DLEC1: variants seen among roughly 807,000 people sequenced by gnomAD.
The protein encoded by DLEC1 is DLEC1 cilia and flagella associated protein.
Under a neutral mutation model 198.1 loss-of-function variants are expected in DLEC1, and 146 were observed. The observed-to-expected ratio is 0.74, with a 90% CI of 0.64 to 0.85. DLEC1 has a LOEUF of 0.85. Ranked by LOEUF, DLEC1 falls within the 40% of genes least tolerant of loss-of-function variation. The pLI is 0.00. For synonymous variants in DLEC1, 897 were observed against 866.8 expected (o/e 1.03, Z -0.61); for missense variants, 2,233 against 2,220.0 (o/e 1.01, Z -0.12).
At chr3:38,046,581 A>C (rs562778506) in intron 2 of DLEC1, among the ~76,000 whole-genome samples, 1 of 152,222 alleles carries the variant, frequency 6.6e-6, no homozygotes, top group South Asian at 2.1e-4. Context: ...TATAAATTAC[A>C]CAGTCTCGGG....
chr3:38,053,195 C>T (rs1464735559), intron 2 of DLEC1, among the ~76,000 whole-genome samples: 6 of 152,184 alleles, frequency 3.9e-5, no homozygotes, highest in South Asian at 2.1e-4. Context: ...AGATTGCAGC[C>T]TCTGCCCAGC....
Position 38,097,877 on chromosome 3 carries a change from T to A in DLEC1, c.2699T>A (p.Val900Asp). Reference sequence around the variant, plus strand: ...ACATGGCGCATGAAGGAGAGCCCAGTCTCCCTCCAGGAAAGGCCTGAGGAT... The same window carrying A: ...ACATGGCGCATGAAGGAGAGCCCAGACTCCCTCCAGGAAAGGCCTGAGGAT... ...PATWRMKESP[V>D]SLQERPEDVS... Residue 900 changes from valine to aspartate, a missense_variant, in exon 18 of 37, where the codon GTC becomes GAC. Transcript: ENST00000308059. 2.5e-6 allele frequency: 4 copies of A among 1,614,030 alleles called. No homozygotes were observed. The highest frequency in any genetic ancestry group is 3.4e-6 in the Non-Finnish European group (4 of 1,180,036).
In DLEC1 at chr3:38,123,249, G is replaced by C; in HGVS notation, c.*837G>C. 1.2e-6 allele frequency: 1 copy of C among 854,652 alleles called. No homozygotes were observed. Among genetic ancestry groups the C allele is most frequent in the Non-Finnish European group, 1.9e-6 (1 of 525,938 alleles). The allele number at this position is 854,652 out of a possible 1,614,324, so 52.9% of individuals were successfully genotyped here. Reference sequence around the variant, plus strand: ...CATCAGACCAGATCTGTGGGCAAGCGGTACCCTGGCCTCCCACTTGGGCAC... The same window carrying C: ...CATCAGACCAGATCTGTGGGCAAGCCGTACCCTGGCCTCCCACTTGGGCAC... On this transcript the variant is annotated 3_prime_UTR_variant, in exon 37 of 37. Coordinates refer to ENST00000308059, the MANE Select transcript of DLEC1 (RefSeq NM_007335.4).
Position 38,063,902 on chromosome 3 carries a change from A to G in DLEC1, c.1156A>G (p.Ile386Val). The change falls in exon 6 of 37, where the codon ATT (isoleucine) becomes GTT (valine). Residue 386 changes from isoleucine to valine, a missense_variant. Coordinates refer to ENST00000308059, the MANE Select transcript of DLEC1 (RefSeq NM_007335.4). ...PPIGFFTDYE[I>V]GPVYEMVIAL... is the part of the protein sequence containing the mutation. Reference sequence around the variant, plus strand: ...AATTGGGTTTTTCACAGATTATGAAATTGGTCCAGTTTATGAGGTAGACAT... The same window carrying G: ...AATTGGGTTTTTCACAGATTATGAAGTTGGTCCAGTTTATGAGGTAGACAT... 2 of 1,612,632 alleles carry G rather than the reference A, an allele frequency of 1.2e-6. No individual in the cohort carries two copies. The highest frequency in any genetic ancestry group is 3.3e-5 in the Admixed American group (2 of 59,940).
At chr3:38,045,450 T>A in intron 1 of DLEC1, 93 bp from the exon 2 acceptor site, 1 of 1,471,624 alleles carries the variant, frequency 6.8e-7, no homozygotes, top group Non-Finnish European at 9.1e-7. Context: ...TATGCTTCAC[T>A]GGAAGCCCTG....
At position 38,085,261 on chromosome 3, in the gene DLEC1, T is replaced by C. The variant is rs1698389252; in HGVS notation, c.1262-13T>C. 6.2e-7 allele frequency: 1 copy of C among 1,614,076 alleles called. No homozygotes were observed. On this transcript the variant is annotated splice_polypyrimidine_tract_variant and intron_variant, in intron 7 of 36. Transcript: ENST00000308059. The stretch of plus-strand genomic sequence containing the variant: ...CTCCCAGGATCCTCACTTGTCACTT[T>C]TGTCATGCACAGGGATGTTCCCAGG...
chr3:38,101,391 G>T (rs1177307628), intron 19 of DLEC1, among the ~76,000 whole-genome samples: 1 of 152,080 alleles, frequency 6.6e-6, no homozygotes, highest in African/African-American at 2.4e-5. Context: ...GGAGGCAGAG[G>T]TTGCAGTGAA....
At chr3:38,099,985 C>G (rs1699222209) in intron 18 of DLEC1, among the ~76,000 whole-genome samples, 1 of 152,180 alleles carries the variant, frequency 6.6e-6, no homozygotes, top group African/African-American at 2.4e-5. Context: ...CTCTGGCTCC[C>G]CAGCTCTCCC....
At chr3:38,086,549 G>C (rs186701491) in intron 9 of DLEC1, among the ~76,000 whole-genome samples, 172 bp downstream of exon 9, 173 of 152,334 alleles carry the variant, frequency 1.1e-3, no homozygotes, top group African/African-American at 4.1e-3. Flanking sequence ...TAAGGGTCCA[G>C]TGTTGTAGTT....
Position 38,093,530 on chromosome 3 carries a change from T to G in DLEC1, c.1757-75T>G, listed in dbSNP as rs549155595. On this transcript the variant is annotated intron_variant, in intron 11 of 36. Transcript: ENST00000308059. ...GGCCAGCTGCATGTGGATGGCGGCA[T>G]GGGTCCTGCAGCAGCCTTGGCCTGA... The G allele has an allele frequency of 1.9e-5, 29 of 1,559,768 alleles. No individual in the cohort carries two copies. The South Asian group carries it at 3.2e-4, about 17-fold the overall frequency.
chr3:38,108,445 C>T lies in DLEC1; in HGVS notation c.3059C>T (p.Ser1020Phe), dbSNP rs776937563. The T allele has an allele frequency of 4.3e-6, 7 of 1,614,170 alleles. No homozygotes were observed. Among genetic ancestry groups the T allele is most frequent in the Admixed American group, 1.7e-5 (1 of 60,016 alleles). The part of the protein sequence containing the change: ...HQAEFCMVTV[S>F]PKHGLLGPSE... The stretch of plus-strand genomic sequence containing the variant: ...GCAGAATTCTGCATGGTGACAGTCT[C>T]CCCCAAACATGGCCTGCTGGGCCCA... The change falls in exon 21 of 37, where the codon TCC becomes TTC. Residue 1020 changes from serine (S) to phenylalanine (F), a missense_variant. By Grantham distance (155) the Ser-to-Phe change is radical. Coordinates refer to ENST00000308059, the MANE Select transcript of DLEC1 (RefSeq NM_007335.4).
Position 38,062,742 on chromosome 3 carries a change from T to G in DLEC1, c.1035T>G (p.Val345=). The part of the protein sequence containing the change: ...PNTRYGGKSL[V]FPPKKPAPIG... ...CTCGATATGGAGGCAAGTCTCTTGT[T>G]TTTCCTCCAAAGAAGCCAGCACCGA... is the stretch of plus-strand genomic sequence containing the variant. The change falls in exon 5 of 37, where the codon GTT becomes GTG. Residue 345 remains valine (V), a synonymous_variant. Coordinates refer to ENST00000308059, the MANE Select transcript of DLEC1 (RefSeq NM_007335.4). The G allele has an allele frequency of 6.2e-7, 1 of 1,614,024 alleles. No homozygotes were observed. Among genetic ancestry groups the G allele is most frequent in the Non-Finnish European group, 8.5e-7 (1 of 1,179,986 alleles).
rs755104351 is a variant in DLEC1 at position 38,039,552 on chromosome 3, C to A, written c.327C>A (p.Ile109=). 6.2e-7 allele frequency: 1 copy of A among 1,613,978 alleles called. No individual in the cohort carries two copies. The highest frequency in any genetic ancestry group is 1.1e-5 in the South Asian group (1 of 91,088). ...VFRNLYSAEV[I]GDEVSASLIK... The stretch of plus-strand genomic sequence containing the variant: ...GCAACTTGTACTCAGCCGAGGTCAT[C>A]GGCGACGAAGTGAGCGCAAGCTTGA... Residue 109 remains isoleucine, a synonymous_variant, in exon 1 of 37, where the codon ATC becomes ATA. Coordinates refer to ENST00000308059, the MANE Select transcript of DLEC1 (RefSeq NM_007335.4).
chr3:38,087,532 G>A (rs1345371748), intron 9 of DLEC1, among the ~76,000 whole-genome samples: 1 of 106,960 alleles, frequency 9.3e-6, no homozygotes, highest in African/African-American at 4.1e-5. Flanking sequence ...CATCAGCACT[G>A]ACACCATCCA....
In DLEC1 at chr3:38,120,476, A is replaced by G. The variant is rs200421560; in HGVS notation, c.4733A>G (p.Glu1578Gly). 2 of 1,614,180 alleles carry G rather than the reference A, an allele frequency of 1.2e-6. No individual in the cohort carries two copies. The highest frequency in any genetic ancestry group is 8.5e-7 in the Non-Finnish European group (1 of 1,180,022). The change falls in exon 34 of 37, where the codon GAG (glutamate) becomes GGG (glycine). Residue 1578 changes from glutamate (E) to glycine (G), a missense_variant. Coordinates refer to ENST00000308059, the MANE Select transcript of DLEC1 (RefSeq NM_007335.4). ...AACGTGTCCTTCTCACTCTCCCTGG[A>G]GCTGCTCTCCTATCAGAAGCTCCCA... ...LVNVSFSLSL[E>G]LLSYQKLPAD... is the part of the protein sequence containing the mutation.
At chr3:38,064,165 G>A (rs532725842) in intron 6 of DLEC1, among the ~76,000 whole-genome samples, 177 of 152,014 alleles carry the variant, frequency 1.2e-3, no homozygotes, top group African/African-American at 4.1e-3. Context: ...GCCGCCTTCC[G>A]CAGTGTTTGT....
At position 38,123,089 on chromosome 3, in the gene DLEC1, A is replaced by C. The variant is rs772263368; in HGVS notation, c.*677A>C. ...CAAAGACGGCAGCGGCTCCCATTCC[A>C]GTCCCGATGCACATGGACACCACTC... On this transcript the variant is annotated 3_prime_UTR_variant, in exon 37 of 37. Coordinates refer to ENST00000308059, the MANE Select transcript of DLEC1 (RefSeq NM_007335.4). 1 of 1,614,164 alleles carries C rather than the reference A, an allele frequency of 6.2e-7. No individual in the cohort carries two copies. Among genetic ancestry groups the C allele is most frequent in the Non-Finnish European group, 8.5e-7 (1 of 1,180,034 alleles).
chr3:38,074,998 G>A (rs573324420), intron 6 of DLEC1, among the ~76,000 whole-genome samples: 71 of 152,228 alleles, frequency 4.7e-4, no homozygotes, highest in African/African-American at 1.5e-3. Context: ...ACTGTAAGCC[G>A]GACCGGGTGT....
At chr3:38,073,723 G>A (rs1697451061) in intron 6 of DLEC1, among the ~76,000 whole-genome samples, 2 of 152,170 alleles carry the variant, frequency 1.3e-5, no homozygotes, top group South Asian at 2.1e-4. Flanking sequence ...GTTTTCAGGG[G>A]TTTTGAAGCT....
Sources: gnomAD v4.1 joint callset for allele counts (sites outside exome capture counted in the v4.1 genomes callset) on GRCh38, gnomAD v4.1.1 for gene constraint, MANE v1.5 for transcripts, NCBI Gene and HGNC (gene_info 2026-07-23, HGNC 2026-07-21) for gene names.